The following MTSS1 variants were observed in gnomAD, a reference collection of about 807,000 sequenced individuals.
MTSS1 encodes protein MTSS 1.
MTSS1 carries 18 observed loss-of-function variants against 79.0 expected under a neutral mutation model. The observed-to-expected ratio is 0.23, with a 90% CI of 0.16 to 0.34. MTSS1 has a LOEUF of 0.34. MTSS1 is among the 10% of genes least tolerant of loss of function. MTSS1 has a pLI of 1.00. For synonymous variants in MTSS1, 341 were observed against 368.6 expected (o/e 0.93, Z 0.86); for missense variants, 815 against 986.2 (o/e 0.83, Z 2.33).
intron 3 of MTSS1, among the ~76,000 whole-genome samples, chr8:124,593,156 C>G (rs546119730): frequency 2.2e-4 from 34 of 152,240 alleles, no homozygotes; most frequent in Non-Finnish European, 3.8e-4. Flanking sequence ...GCCTTCTGCG[C>G]TCTCCAAGTT....
Position 124,556,267 on chromosome 8 carries a change from T to C in MTSS1, c.1369A>G (p.Arg457Gly). The stretch of plus-strand genomic sequence containing the variant: ...GCCGATACAGTCATGCTCCGTGGTC[T>C]CTGAGCCTCCTCAGCTGCTGCAGGT... ...GPPAAAEEAQ[R>G]PRSMTVSAAT... Residue 457 changes from arginine (R) to glycine (G), a missense_variant, in exon 12 of 14, where the codon AGA becomes GGA. Physicochemically the swap from Arg to Gly is moderately radical, Grantham distance 125. Coordinates refer to ENST00000518547, the MANE Select transcript of MTSS1 (RefSeq NM_014751.6). The C allele has an allele frequency of 1.2e-6, 2 of 1,614,230 alleles. No individual in the cohort carries two copies. Among genetic ancestry groups the C allele is most frequent in the East Asian group, 2.2e-5 (1 of 44,878 alleles).
At chr8:124,652,794 C>CAA (rs773654376) in intron 3 of MTSS1, among the ~76,000 whole-genome samples, 1,715 of 74,240 alleles carry the variant, frequency 0.023, 49 homozygotes, top group African/African-American at 0.043. Context: ...GACTCCGTCT[C>CAA]AAAAAAAAAA....
At chr8:124,557,529 A>T in intron 11 of MTSS1, 152 bp downstream of exon 11, 1 of 843,550 alleles carries the variant, frequency 1.2e-6, no homozygotes, top group South Asian at 1.9e-5. Flanking sequence ...TTCTCCCCCA[A>T]TGGGAGTTTC....
intron 10 of MTSS1, chr8:124,558,875 G>A (rs747130079): frequency 5.0e-5 from 75 of 1,514,316 alleles, no homozygotes; most frequent in Middle Eastern, 1.7e-4. Flanking sequence ...AACAGAAACC[G>A]AGCCACACAC....
intron 3 of MTSS1, among the ~76,000 whole-genome samples, chr8:124,639,588 G>A (rs920704503): frequency 4.0e-5 from 6 of 151,850 alleles, no homozygotes; most frequent in Non-Finnish European, 7.4e-5. Flanking sequence ...CTCAGCCTCC[G>A]GAGTAGCTGG....
intron 3 of MTSS1, among the ~76,000 whole-genome samples, chr8:124,608,382 C>T (rs1391668811): frequency 6.6e-6 from 1 of 152,206 alleles, no homozygotes; most frequent in East Asian, 1.9e-4. Context: ...CCACATGTCC[C>T]ATGGATGAGC....
At chr8:124,569,691 CAT>C (rs1388888771) in intron 6 of MTSS1, among the ~76,000 whole-genome samples, 1 of 152,192 alleles carries the variant, frequency 6.6e-6, no homozygotes. Flanking sequence ...AGTACAATGT[CAT>C]GTGTGTATAC....
chr8:124,651,346 G>A (rs898260479), intron 3 of MTSS1, among the ~76,000 whole-genome samples: 6 of 151,988 alleles, frequency 3.9e-5, no homozygotes, highest in South Asian at 2.1e-4. Context: ...GTGACATGCC[G>A]TGTGAAGAGC....
chr8:124,602,448 C>T (rs1587171094), intron 3 of MTSS1, among the ~76,000 whole-genome samples: 1 of 152,010 alleles, frequency 6.6e-6, no homozygotes, highest in African/African-American at 2.4e-5. Flanking sequence ...GATTCCCCCA[C>T]CTCGACCTCC....
intron 1 of MTSS1, among the ~76,000 whole-genome samples, chr8:124,720,763 C>T (rs891544): frequency 0.86 from 131,462 of 152,232 alleles, 57,108 homozygotes; most frequent in African/African-American, 0.96. Context: ...TCCACTGATT[C>T]TAAGACTTCA....
At chr8:124,667,749 G>C (rs1358893157) in intron 3 of MTSS1, among the ~76,000 whole-genome samples, 2 of 152,162 alleles carry the variant, frequency 1.3e-5, no homozygotes, top group African/African-American at 2.4e-5. Context: ...CAGTTGGCAA[G>C]GTCACACAGC....
At chr8:124,650,626 C>A (rs749110862) in intron 3 of MTSS1, among the ~76,000 whole-genome samples, 1 of 152,170 alleles carries the variant, frequency 6.6e-6, no homozygotes, top group East Asian at 1.9e-4. Flanking sequence ...CTGCCATGCA[C>A]GAACATCACA....
chr8:124,621,437 C>A (rs1290258790), intron 3 of MTSS1, among the ~76,000 whole-genome samples: 1 of 152,184 alleles, frequency 6.6e-6, no homozygotes, highest in Non-Finnish European at 1.5e-5. Flanking sequence ...GACTGGAAAG[C>A]CAGGCCCATG....
At chr8:124,641,227 AGCAGGCCCAGT>A (rs1817986577) in intron 3 of MTSS1, among the ~76,000 whole-genome samples, 1 of 152,210 alleles carries the variant, frequency 6.6e-6, no homozygotes, top group African/African-American at 2.4e-5. Flanking sequence ...CACTTTGGCC[AGCAGGCCCAGT>A]GCAGGCTGGT....
intron 3 of MTSS1, among the ~76,000 whole-genome samples, chr8:124,614,441 CAG>C (rs530325607): frequency 1.1e-4 from 17 of 152,222 alleles, no homozygotes; most frequent in African/African-American, 1.4e-4. Flanking sequence ...AATGTGGAGA[CAG>C]GGGACACTCA....
At chr8:124,711,753 T>C (rs11993749) in intron 1 of MTSS1, among the ~76,000 whole-genome samples, 1 of 151,864 alleles carries the variant, frequency 6.6e-6, no homozygotes, top group Admixed American at 6.6e-5. Flanking sequence ...ACTCCTATAA[T>C]CCTAGCACTT....
chr8:124,595,304 A>T (rs1254950937), intron 3 of MTSS1, among the ~76,000 whole-genome samples: 1 of 152,214 alleles, frequency 6.6e-6, no homozygotes, highest in Non-Finnish European at 1.5e-5. Context: ...GGCTTAAAAC[A>T]ACAGAAGTTT....
At chr8:124,556,695 G>A (rs905198936) in intron 11 of MTSS1, 33 of 439,466 alleles carry the variant, frequency 7.5e-5, no homozygotes, top group South Asian at 2.1e-4. Context: ...ACAGGTGACC[G>A]GTGTAAGCTA....
chr8:124,682,012 A>C (rs190090831), intron 3 of MTSS1, among the ~76,000 whole-genome samples: 160 of 152,314 alleles, frequency 1.1e-3, no homozygotes, highest in Middle Eastern at 6.8e-3. Flanking sequence ...CTGTTATCAC[A>C]TCCAATTTAC....
Sources: allele counts gnomAD v4.1 joint callset (sites outside exome capture counted in the v4.1 genomes callset), GRCh38; gene constraint gnomAD v4.1.1; transcripts MANE v1.5; gene names NCBI Gene and HGNC (gene_info 2026-07-23, HGNC 2026-07-21).